The following SESTD1 variants were observed in gnomAD, a reference collection of about 807,000 sequenced individuals.
SESTD1 encodes SEC14 and spectrin domain containing 1.
A neutral mutation model predicts 101.7 loss-of-function variants in SESTD1; 43 were observed. That is an observed-to-expected ratio of 0.42 (90% CI 0.33 to 0.55). The LOEUF is 0.55. Ranked by LOEUF, SESTD1 falls within the 20% of genes least tolerant of loss-of-function variation. SESTD1 has a pLI of 0.07. For missense variants in SESTD1, 647 were observed against 815.1 expected, an observed-to-expected ratio of 0.79 and a Z score of 2.51; for synonymous variants, 283 against 286.8, an observed-to-expected ratio of 0.99 and a Z score of 0.13.
chr2:179,129,723 G>C (rs2044966062), intron 10 of SESTD1, among the ~76,000 whole-genome samples: 1 of 152,134 alleles, frequency 6.6e-6, no homozygotes, highest in African/African-American at 2.4e-5. Context: ...TTAACTCTTA[G>C]TTACAGAGAG....
At chr2:179,252,669 G>C (rs1016359180) in intron 1 of SESTD1, among the ~76,000 whole-genome samples, 11 of 152,176 alleles carry the variant, frequency 7.2e-5, no homozygotes, top group African/African-American at 2.7e-4. Flanking sequence ...GTTAAATTGA[G>C]GAAGTAGGGG....
At chr2:179,159,519 A>C (rs1312225448) in intron 5 of SESTD1, among the ~76,000 whole-genome samples, 1 of 152,190 alleles carries the variant, frequency 6.6e-6, no homozygotes, top group African/African-American at 2.4e-5. Context: ...TGAAAAAGGA[A>C]AACTGTGTAG....
intron 1 of SESTD1, among the ~76,000 whole-genome samples, chr2:179,223,814 A>G (rs1559150350): frequency 6.6e-6 from 1 of 152,224 alleles, no homozygotes; most frequent in Non-Finnish European, 1.5e-5. Context: ...TGTCCAAACT[A>G]TCTATTACTC....
At chr2:179,149,425 AAC>A in intron 6 of SESTD1, 31 bp from the exon 7 acceptor site, 1 of 1,402,634 alleles carries the variant, frequency 7.1e-7, no homozygotes, top group Non-Finnish European at 9.8e-7. Flanking sequence ...ACATACTAAG[AAC>A]AGTCTTAAAA....
At chr2:179,163,158 C>G (rs10205390) in intron 5 of SESTD1, among the ~76,000 whole-genome samples, 60,648 of 151,960 alleles carry the variant, frequency 0.4, 15,962 homozygotes, top group African/African-American at 0.76. Context: ...TAAAAACCTG[C>G]AATTCCTCAA....
intron 1 of SESTD1, among the ~76,000 whole-genome samples, chr2:179,254,130 T>C (rs2047358329): frequency 6.6e-6 from 1 of 151,508 alleles, no homozygotes; most frequent in South Asian, 2.1e-4. Flanking sequence ...AAAAATAAAA[T>C]TTGAAACATA....
intron 1 of SESTD1, among the ~76,000 whole-genome samples, chr2:179,197,017 C>T (rs933966862): frequency 1.1e-4 from 17 of 151,960 alleles, no homozygotes; most frequent in African/African-American, 3.1e-4. Flanking sequence ...TCTGTACCTA[C>T]GGGAGGACAT....
At chr2:179,161,792 C>T (rs1392845104) in intron 5 of SESTD1, among the ~76,000 whole-genome samples, 2 of 151,670 alleles carry the variant, frequency 1.3e-5, no homozygotes, top group African/African-American at 2.4e-5. Flanking sequence ...TTTCATATTT[C>T]TTTTTAAGCA....
At chr2:179,218,046 G>C (rs1372441995) in intron 1 of SESTD1, among the ~76,000 whole-genome samples, 9 of 152,104 alleles carry the variant, frequency 5.9e-5, no homozygotes, top group Admixed American at 5.9e-4. Context: ...GAGTTGATGG[G>C]TGCAGCAAAC....
intron 1 of SESTD1, among the ~76,000 whole-genome samples, chr2:179,245,251 T>C (rs1162276573): frequency 6.6e-6 from 1 of 152,038 alleles, no homozygotes; most frequent in Non-Finnish European, 1.5e-5. Context: ...GCACGTTGGC[T>C]CACGCCTGTA....
intron 1 of SESTD1, among the ~76,000 whole-genome samples, chr2:179,222,821 G>C (rs1017886040): frequency 2.1e-4 from 32 of 152,148 alleles, no homozygotes; most frequent in African/African-American, 7.5e-4. Context: ...CAAGAAAGTA[G>C]CCTGTGAAAC....
At chr2:179,116,523 C>G in intron 15 of SESTD1, 145 bp downstream of exon 15, 1 of 1,306,614 alleles carries the variant, frequency 7.7e-7, no homozygotes, top group Admixed American at 1.7e-5. Flanking sequence ...TTTTGATGCA[C>G]CAGCTGACAT....
intron 13 of SESTD1, among the ~76,000 whole-genome samples, chr2:179,120,720 G>A (rs1276584262): frequency 1.9e-4 from 29 of 149,062 alleles, no homozygotes; most frequent in Admixed American, 1.9e-3. Context: ...AATAGTTAGG[G>A]TAGAAGTCAG....
chr2:179,206,394 A>G lies in SESTD1; in HGVS notation c.-25-14528T>C, dbSNP rs1255336025. 2.9e-5 allele frequency among the ~76,000 whole-genome samples: 4 copies of G among 136,504 alleles called. 1 individual carries two copies. Among genetic ancestry groups the G allele is most frequent in the Non-Finnish European group, 6.3e-5 (4 of 63,086 alleles). 89.6% of individuals were successfully genotyped at this position (136,504 alleles called of 152,430 possible). A position where few individuals can be genotyped will look rare whatever the true frequency, so the allele number is the denominator to read the frequency against. ...CACATCCCCACTGGGGAACCCAAAA[A>G]TCCAGATCATGGGAGAAGAATTTAA... is the stretch of plus-strand genomic sequence containing the variant. On this transcript the variant is annotated intron_variant, in intron 1 of 17. Coordinates refer to ENST00000428443, the MANE Select transcript of SESTD1 (RefSeq NM_178123.5).
At chr2:179,217,073 G>T (rs1199049059) in intron 1 of SESTD1, among the ~76,000 whole-genome samples, 1 of 152,030 alleles carries the variant, frequency 6.6e-6, no homozygotes, top group African/African-American at 2.4e-5. Context: ...ATAGGCATGG[G>T]CAAGGACTTC....
chr2:179,155,515 C>T (rs906504469), intron 5 of SESTD1, among the ~76,000 whole-genome samples: 1 of 151,902 alleles, frequency 6.6e-6, no homozygotes, highest in Admixed American at 6.6e-5. Context: ...ATTTGGGCAG[C>T]CAAGGTAAGA....
At chr2:179,250,435 C>T (rs925398516) in intron 1 of SESTD1, among the ~76,000 whole-genome samples, 3 of 152,206 alleles carry the variant, frequency 2.0e-5, no homozygotes, top group Non-Finnish European at 4.4e-5. Flanking sequence ...TAACAAAATA[C>T]TACAGACTGG....
At chr2:179,220,440 C>T (rs2046797737) in intron 1 of SESTD1, among the ~76,000 whole-genome samples, 1 of 152,122 alleles carries the variant, frequency 6.6e-6, no homozygotes, top group Non-Finnish European at 1.5e-5. Flanking sequence ...TGTGGAATTC[C>T]AGGAGGGTCA....
chr2:179,244,274 T>G (rs1277707797), intron 1 of SESTD1, among the ~76,000 whole-genome samples: 6 of 152,008 alleles, frequency 3.9e-5, no homozygotes, highest in Non-Finnish European at 7.4e-5. Context: ...CTGGCCAACA[T>G]GGTGAAACCC....
Sources: gnomAD v4.1 joint callset for allele counts (sites outside exome capture counted in the v4.1 genomes callset) on GRCh38, gnomAD v4.1.1 for gene constraint, MANE v1.5 for transcripts, NCBI Gene and HGNC (gene_info 2026-07-23, HGNC 2026-07-21) for gene names.